Variants in WFDC10B observed in about 807,000 individuals in gnomAD.
WFDC10B encodes the protein WAP four-disulfide core domain 10B.
A neutral mutation model predicts 2.7 loss-of-function variants in WFDC10B; 1 was observed. The observed-to-expected ratio is 0.38, with a 90% CI of 0.13 to 1.79. The LOEUF (loss-of-function observed/expected upper bound fraction) is 1.79, where lower values mean the gene tolerates loss of function less well. WFDC10B is among the 40% of genes most tolerant of loss of function. The pLI is 0.33. For synonymous variants in WFDC10B, 26 were observed against 32.2 expected (o/e 0.81, Z 0.65); for missense variants, 71 against 87.8 (o/e 0.81, Z 0.76).
At chr20:45,690,555 T>C (rs1214045279) in intron 2 of WFDC10B, among the ~76,000 whole-genome samples, 1 of 151,862 alleles carries the variant, frequency 6.6e-6, no homozygotes, top group Non-Finnish European at 1.5e-5. Flanking sequence ...AACTTCTTCC[T>C]GGTTTAGTCT....
chr20:45,697,869 G>A (rs963946532), intron 2 of WFDC10B, among the ~76,000 whole-genome samples: 5 of 149,674 alleles, frequency 3.3e-5, no homozygotes, highest in South Asian at 2.1e-4. Flanking sequence ...TCAGCCTCCC[G>A]AGTAGCTGGG....
At chr20:45,691,229 A>C (rs1361952127) in intron 2 of WFDC10B, among the ~76,000 whole-genome samples, 5 of 152,138 alleles carry the variant, frequency 3.3e-5, no homozygotes, top group Non-Finnish European at 5.9e-5. Context: ...GTTCTTTTAC[A>C]TTTGCTAAGG....
intron 2 of WFDC10B, among the ~76,000 whole-genome samples, chr20:45,686,321 AAAG>A (rs534249996): frequency 7.5e-4 from 115 of 152,324 alleles, no homozygotes; most frequent in African/African-American, 2.0e-3. Flanking sequence ...TTTATGGAAA[AAAG>A]AAAAGAAGAA....
chr20:45,688,266 G>A (rs1983696408), intron 2 of WFDC10B, among the ~76,000 whole-genome samples: 1 of 151,900 alleles, frequency 6.6e-6, no homozygotes, highest in African/African-American at 2.4e-5. Context: ...TCTTAATCCA[G>A]TCTATCATTG....
chr20:45,701,799 T>C (rs1004235134), intron 2 of WFDC10B, among the ~76,000 whole-genome samples: 1 of 149,400 alleles, frequency 6.7e-6, no homozygotes, highest in Non-Finnish European at 1.5e-5. Context: ...CCTCTGTGAA[T>C]AAATATAACA....
chr20:45,688,118 T>C (rs1184378434), intron 2 of WFDC10B, among the ~76,000 whole-genome samples: 2 of 148,466 alleles, frequency 1.3e-5, no homozygotes, highest in African/African-American at 5.0e-5. Flanking sequence ...AGTGAGAATA[T>C]GCGGTGTTTG....
At chr20:45,697,379 A>ATTTTTTTTTTTTTTT (rs869059383) in intron 2 of WFDC10B, among the ~76,000 whole-genome samples, 4 of 114,010 alleles carry the variant, frequency 3.5e-5, no homozygotes, top group African/African-American at 1.0e-4. Flanking sequence ...ACATCCCATC[A>ATTTTTTTTTTTTTTT]TTTTTTTTTT....
chr20:45,704,565 T>C lies in WFDC10B; in HGVS notation c.-129-4A>G. On this transcript the variant is annotated splice_polypyrimidine_tract_variant and splice_region_variant and intron_variant, in intron 1 of 3. Transcript: ENST00000330523. ...GTTCCTCCTTCTGTGGGATAGTCTG[T>C]TCATCAGAAACATTTCAAAAGCGCA... The C allele has an allele frequency of 1.2e-6, 2 of 1,614,184 alleles. No individual in the cohort carries two copies. Among genetic ancestry groups the C allele is most frequent in the Non-Finnish European group, 1.7e-6 (2 of 1,180,028 alleles).
chr20:45,695,755 G>A (rs1005140673), intron 2 of WFDC10B, among the ~76,000 whole-genome samples: 1 of 152,054 alleles, frequency 6.6e-6, no homozygotes, highest in Non-Finnish European at 1.5e-5. Context: ...GGAGGCTGAG[G>A]TGGGTGGATC....
intron 1 of WFDC10B, 58 bp downstream of exon 1, chr20:45,704,860 C>T: frequency 6.4e-7 from 1 of 1,566,384 alleles, no homozygotes; most frequent in Non-Finnish European, 8.8e-7. Context: ...CCACAAATGC[C>T]TTTATCCACA....
intron 2 of WFDC10B, among the ~76,000 whole-genome samples, chr20:45,700,418 C>G (rs536044966): frequency 6.6e-6 from 1 of 152,054 alleles, no homozygotes; most frequent in African/African-American, 2.4e-5. Flanking sequence ...AAGTTACAGG[C>G]CCAGTTCATT....
intron 2 of WFDC10B, among the ~76,000 whole-genome samples, chr20:45,692,674 A>G (rs993352166): frequency 5.9e-5 from 9 of 152,116 alleles, no homozygotes; most frequent in Non-Finnish European, 1.2e-4. Context: ...CTTGGCTTTC[A>G]GCTCCATCAG....
At chr20:45,690,332 T>C (rs948373297) in intron 2 of WFDC10B, among the ~76,000 whole-genome samples, 27 of 152,088 alleles carry the variant, frequency 1.8e-4, no homozygotes, top group Non-Finnish European at 3.4e-4. Context: ...CCGGCTTTGG[T>C]ATCAGGATGA....
At chr20:45,698,179 T>C (rs368699301) in intron 2 of WFDC10B, among the ~76,000 whole-genome samples, 9 of 152,226 alleles carry the variant, frequency 5.9e-5, no homozygotes, top group African/African-American at 1.2e-4. Context: ...GAGTGCCTTG[T>C]TGGCTGTGTG....
chr20:45,698,274 T>G (rs1422058590), intron 2 of WFDC10B, among the ~76,000 whole-genome samples: 1 of 152,164 alleles, frequency 6.6e-6, no homozygotes, highest in East Asian at 1.9e-4. Flanking sequence ...AAAAGTAGAA[T>G]TCACACTTCC....
intron 2 of WFDC10B, among the ~76,000 whole-genome samples, chr20:45,694,349 T>C (rs543407426): frequency 6.6e-6 from 1 of 151,830 alleles, no homozygotes; most frequent in Non-Finnish European, 1.5e-5. Flanking sequence ...TTTCTGCATA[T>C]GGCAAATAGT....
intron 2 of WFDC10B, among the ~76,000 whole-genome samples, chr20:45,690,696 C>T (rs1983784166): frequency 6.6e-6 from 1 of 152,010 alleles, no homozygotes; most frequent in Admixed American, 6.6e-5. Flanking sequence ...ACCCCTTTAT[C>T]ATTTTTTATT....
At chr20:45,697,892 T>C (rs1172680393) in intron 2 of WFDC10B, among the ~76,000 whole-genome samples, 1 of 151,758 alleles carries the variant, frequency 6.6e-6, no homozygotes, top group Non-Finnish European at 1.5e-5. Flanking sequence ...TACCAGAGTG[T>C]GCCACCACTC....
intron 2 of WFDC10B, among the ~76,000 whole-genome samples, chr20:45,689,744 G>A (rs921327119): frequency 1.7e-4 from 26 of 152,326 alleles, no homozygotes; most frequent in Middle Eastern, 3.4e-3. Context: ...ATTTTGGGCT[G>A]AGACAATGGG....
Sources: allele counts gnomAD v4.1 joint callset (sites outside exome capture counted in the v4.1 genomes callset), GRCh38; gene constraint gnomAD v4.1.1; transcripts MANE v1.5; gene names NCBI Gene and HGNC (gene_info 2026-07-23, HGNC 2026-07-21).